ULK4: variants seen among roughly 807,000 people sequenced by gnomAD.
The protein encoded by ULK4 is inactive serine/threonine-protein kinase ULK4.
ULK4 carries 133 observed loss-of-function variants against 160.6 expected under a neutral mutation model. The observed-to-expected ratio is 0.83, with a 90% CI of 0.72 to 0.96. The LOEUF (loss-of-function observed/expected upper bound fraction) is 0.96, where lower values mean the gene tolerates loss of function less well. Among genes scored for constraint, ULK4 ranks in the 40% least tolerant of loss-of-function variants. The pLI is 0.00. For missense variants in ULK4, 1,580 were observed against 1,499.5 expected (o/e 1.05, Z -0.89); for synonymous variants, 534 against 539.8 (o/e 0.99, Z 0.15).
intron 32 of ULK4, among the ~76,000 whole-genome samples, chr3:41,536,165 T>A (rs886983849): frequency 2.6e-5 from 4 of 152,152 alleles, no homozygotes; most frequent in African/African-American, 9.7e-5. Flanking sequence ...CAACCTCTTT[T>A]CTATATATGT....
intron 31 of ULK4, among the ~76,000 whole-genome samples, chr3:41,602,512 T>C (rs1409027789): frequency 6.6e-6 from 1 of 152,062 alleles, no homozygotes; most frequent in Non-Finnish European, 1.5e-5. Flanking sequence ...ATGGCAAATA[T>C]ACCACAGCTA....
chr3:41,731,903 C>T (rs1286909484), intron 22 of ULK4, among the ~76,000 whole-genome samples: 1 of 152,024 alleles, frequency 6.6e-6, no homozygotes, highest in Admixed American at 6.6e-5. Flanking sequence ...CTTCAATAAA[C>T]GAAGTTGGGA....
At chr3:41,480,310 G>C (rs946755427) in intron 32 of ULK4, among the ~76,000 whole-genome samples, 1 of 150,934 alleles carries the variant, frequency 6.6e-6, no homozygotes, top group Non-Finnish European at 1.5e-5. Flanking sequence ...TAGATTCTAA[G>C]TATATGAGAT....
At chr3:41,379,822 C>T (rs559129166) in intron 35 of ULK4, among the ~76,000 whole-genome samples, 3 of 152,282 alleles carry the variant, frequency 2.0e-5, no homozygotes, top group Admixed American at 2.0e-4. Flanking sequence ...TAAGAAGAAA[C>T]TATGCATGCA....
rs980987555 is a variant in ULK4 at position 41,376,776 on chromosome 3, T to A, written c.3678+21303A>T. ...CATGTTCATGGGAAGGAAGAATCAATATCGTAAAAATGGCCATAATACCCA... is the reference window on the plus strand; with the variant it reads ...CATGTTCATGGGAAGGAAGAATCAAAATCGTAAAAATGGCCATAATACCCA... On this transcript the variant is annotated intron_variant, in intron 35 of 36. Coordinates refer to ENST00000301831, the MANE Select transcript of ULK4 (RefSeq NM_017886.4). Among the ~76,000 whole-genome samples the A allele has an allele frequency of 1.9e-4, 29 of 150,152 alleles. 2 individuals carry two copies. The highest frequency in any genetic ancestry group is 7.2e-4 in the African/African-American group (29 of 40,174).
chr3:41,928,771 C>T (rs1219355799), intron 5 of ULK4, among the ~76,000 whole-genome samples: 1 of 152,050 alleles, frequency 6.6e-6, no homozygotes, highest in Non-Finnish European at 1.5e-5. Flanking sequence ...CATATACATG[C>T]TCCCAAGTCT....
intron 32 of ULK4, among the ~76,000 whole-genome samples, chr3:41,535,105 T>A (rs918501060): frequency 6.6e-6 from 1 of 152,134 alleles, no homozygotes; most frequent in Non-Finnish European, 1.5e-5. Context: ...GCTTGCCTTT[T>A]CCCACAACCT....
Position 41,470,029 on chromosome 3 carries a change from A to AAC in ULK4, c.3227-6777_3227-6776insGT, listed in dbSNP as rs1482162510. Among the ~76,000 whole-genome samples the AAC allele has an allele frequency of 1.6e-3, 232 of 142,792 alleles. 3 individuals carry two copies. The highest frequency in any genetic ancestry group is 2.1e-3 in the Admixed American group (30 of 14,370). The allele number at this position is 142,792 out of a possible 152,430, so 93.7% of individuals were successfully genotyped here. On this transcript the variant is annotated intron_variant, in intron 32 of 36. Transcript: ENST00000301831. ...GAAGAAACAGAACAGAAAAAAAAAA[A>AAC]AAAAAAAAAAAAAAAAACAAAGTAT...
chr3:41,596,772 A>C (rs1343222599), intron 31 of ULK4, among the ~76,000 whole-genome samples: 1 of 152,196 alleles, frequency 6.6e-6, no homozygotes, highest in African/African-American at 2.4e-5. Flanking sequence ...TGAGGTACTG[A>C]GTGGCCAAAG....
chr3:41,475,192 C>A (rs1168720059), intron 32 of ULK4, among the ~76,000 whole-genome samples: 1 of 152,108 alleles, frequency 6.6e-6, no homozygotes, highest in Non-Finnish European at 1.5e-5. Context: ...TTTGTGACAA[C>A]ATGGATGGAC....
At chr3:41,765,473 G>A (rs886754179) in intron 21 of ULK4, among the ~76,000 whole-genome samples, 1 of 152,088 alleles carries the variant, frequency 6.6e-6, no homozygotes, top group African/African-American at 2.4e-5. Flanking sequence ...GAGTTAATGG[G>A]TGCAGCACAC....
At chr3:41,878,795 A>T (rs1200061202) in intron 17 of ULK4, among the ~76,000 whole-genome samples, 1 of 152,052 alleles carries the variant, frequency 6.6e-6, no homozygotes, top group Non-Finnish European at 1.5e-5. Flanking sequence ...TCTAGTGATC[A>T]ACTTTAACCC....
At chr3:41,580,998 C>T (rs2030278634) in intron 31 of ULK4, among the ~76,000 whole-genome samples, 1 of 152,114 alleles carries the variant, frequency 6.6e-6, no homozygotes, top group South Asian at 2.1e-4. Context: ...CAGTTCTGCA[C>T]AATGTCAGTT....
At chr3:41,291,618 CA>C (rs2079566776) in intron 35 of ULK4, among the ~76,000 whole-genome samples, 2 of 152,124 alleles carry the variant, frequency 1.3e-5, no homozygotes, top group East Asian at 3.9e-4. Flanking sequence ...AATGGATAAG[CA>C]AACTATGTTA....
At chr3:41,802,568 C>T (rs1322625323) in intron 19 of ULK4, among the ~76,000 whole-genome samples, 1 of 151,986 alleles carries the variant, frequency 6.6e-6, no homozygotes, top group East Asian at 1.9e-4. Flanking sequence ...CAGAGTGCTG[C>T]GATTACAAGC....
intron 34 of ULK4, among the ~76,000 whole-genome samples, chr3:41,438,494 A>G (rs1023272532): frequency 1.3e-5 from 2 of 152,178 alleles, no homozygotes; most frequent in African/African-American, 4.8e-5. Flanking sequence ...TTTAAAAAAT[A>G]CAGATAGTTA....
chr3:41,663,490 G>T, intron 30 of ULK4, 117 bp downstream of exon 30: 1 of 935,330 alleles, frequency 1.1e-6, no homozygotes, highest in South Asian at 1.6e-5. Context: ...AAAAAATGAC[G>T]ATTTTGACAA....
chr3:41,729,286 G>A (rs1364624047), intron 22 of ULK4, among the ~76,000 whole-genome samples: 2 of 152,188 alleles, frequency 1.3e-5, no homozygotes, highest in African/African-American at 4.8e-5. Flanking sequence ...TCCCACGAAT[G>A]TCATGAAAAC....
At chr3:41,300,433 G>A (rs2079761290) in intron 35 of ULK4, among the ~76,000 whole-genome samples, 1 of 152,090 alleles carries the variant, frequency 6.6e-6, no homozygotes, top group African/African-American at 2.4e-5. Context: ...CTTATAAGGG[G>A]CATTATTTTA....
Sources: gnomAD v4.1 joint callset for allele counts (sites outside exome capture counted in the v4.1 genomes callset) on GRCh38, gnomAD v4.1.1 for gene constraint, MANE v1.5 for transcripts, NCBI Gene and HGNC (gene_info 2026-07-23, HGNC 2026-07-21) for gene names.